The following CNTNAP2 variants were observed in gnomAD, a reference collection of about 807,000 sequenced individuals.
CNTNAP2 encodes contactin associated protein 2, also known as contactin-associated protein-like 2.
CNTNAP2 carries 98 observed loss-of-function variants against 155.2 expected under a neutral mutation model. The observed-to-expected ratio is 0.63, with a 90% CI of 0.54 to 0.75. The LOEUF is 0.75. CNTNAP2 is among the 30% of genes least tolerant of loss of function. The probability of loss-of-function intolerance (pLI) is 0.00; values close to 1 mark genes in which losing one functional copy is unlikely to be tolerated. For missense variants in CNTNAP2, 1,727 were observed against 1,688.1 expected (o/e 1.02, Z -0.40); for synonymous variants, 651 against 631.2 (o/e 1.03, Z -0.47).
intron 10 of CNTNAP2, among the ~76,000 whole-genome samples, chr7:147,398,936 G>T (rs1796867590): frequency 6.6e-6 from 1 of 151,878 alleles, no homozygotes; most frequent in Non-Finnish European, 1.5e-5. Context: ...AAACAAGGAA[G>T]CCTGGCATGT....
chr7:146,821,715 GA>G (rs1452605787), intron 2 of CNTNAP2, among the ~76,000 whole-genome samples: 14 of 152,016 alleles, frequency 9.2e-5, no homozygotes, highest in African/African-American at 3.4e-4. Flanking sequence ...AAAAACACAT[GA>G]AAAAATGCTC....
chr7:147,326,829 C>G (rs1393500840), intron 9 of CNTNAP2, among the ~76,000 whole-genome samples: 1 of 152,178 alleles, frequency 6.6e-6, no homozygotes, highest in Non-Finnish European at 1.5e-5. Context: ...GGCTTTTATA[C>G]TTAGCCCATT....
chr7:147,491,872 C>G (rs772148122), intron 11 of CNTNAP2, among the ~76,000 whole-genome samples: 5 of 152,004 alleles, frequency 3.3e-5, no homozygotes, highest in Admixed American at 6.6e-5. Flanking sequence ...AGACATTAAA[C>G]ATTATTCTAA....
intron 1 of CNTNAP2, among the ~76,000 whole-genome samples, chr7:146,445,835 C>G (rs1796394533): frequency 6.6e-6 from 1 of 152,066 alleles, no homozygotes. Context: ...CTTATAAATG[C>G]TAGGTTAACT....
At chr7:146,386,020 A>G (rs1795454924) in intron 1 of CNTNAP2, among the ~76,000 whole-genome samples, 1 of 152,182 alleles carries the variant, frequency 6.6e-6, no homozygotes, top group South Asian at 2.1e-4. Flanking sequence ...AAAATAGCAG[A>G]TTACTGGCCT....
At chr7:147,666,768 C>T (rs1795702882) in intron 13 of CNTNAP2, among the ~76,000 whole-genome samples, 1 of 152,020 alleles carries the variant, frequency 6.6e-6, no homozygotes, top group East Asian at 1.9e-4. Context: ...TGTGATTGAC[C>T]TGAAAGCTAA....
At chr7:147,619,948 C>T (rs1335611621) in intron 12 of CNTNAP2, among the ~76,000 whole-genome samples, 2 of 152,198 alleles carry the variant, frequency 1.3e-5, no homozygotes, top group Non-Finnish European at 2.9e-5. Flanking sequence ...GTAGTTGTGT[C>T]ACTCCACCCC....
intron 22 of CNTNAP2, among the ~76,000 whole-genome samples, chr7:148,405,481 G>C (rs929685588): frequency 5.4e-4 from 74 of 137,904 alleles, no homozygotes; most frequent in Admixed American, 2.3e-3. Context: ...AGGGTGGAGT[G>C]CAGTGGTGCA....
chr7:147,599,000 T>C (rs1464557972), intron 12 of CNTNAP2, among the ~76,000 whole-genome samples: 1 of 152,148 alleles, frequency 6.6e-6, no homozygotes, highest in Non-Finnish European at 1.5e-5. Flanking sequence ...CCTTATAAAT[T>C]ACCCAGACTC....
At chr7:147,276,470 G>A (rs931496159) in intron 8 of CNTNAP2, among the ~76,000 whole-genome samples, 27 of 151,980 alleles carry the variant, frequency 1.8e-4, no homozygotes, top group Non-Finnish European at 1.5e-5. Flanking sequence ...TCCTGGTACA[G>A]TTTAAATTGC....
intron 11 of CNTNAP2, among the ~76,000 whole-genome samples, chr7:147,498,856 A>G (rs1798759875): frequency 6.6e-6 from 1 of 152,154 alleles, no homozygotes; most frequent in Non-Finnish European, 1.5e-5. Context: ...AAATAAATGA[A>G]TATCAGGTAG....
chr7:146,812,445 A>AT (rs1386547927), intron 2 of CNTNAP2, among the ~76,000 whole-genome samples: 7,441 of 144,478 alleles, frequency 0.052, 628 homozygotes, highest in African/African-American at 0.17. Flanking sequence ...ATATATAAAA[A>AT]ATATATATAT....
At chr7:148,096,962 A>T (rs1803985045) in intron 15 of CNTNAP2, among the ~76,000 whole-genome samples, 1 of 152,188 alleles carries the variant, frequency 6.6e-6, no homozygotes. Context: ...TGACCTTCCT[A>T]TAATATAAAG....
At chr7:147,155,792 G>A (rs1196819524) in intron 8 of CNTNAP2, among the ~76,000 whole-genome samples, 1 of 152,014 alleles carries the variant, frequency 6.6e-6, no homozygotes, top group Non-Finnish European at 1.5e-5. Context: ...ATATATTAGT[G>A]GGGAAAGGTG....
intron 10 of CNTNAP2, among the ~76,000 whole-genome samples, chr7:147,477,286 A>T (rs918995111): frequency 2.6e-5 from 4 of 152,304 alleles, no homozygotes; most frequent in Non-Finnish European, 4.4e-5. Flanking sequence ...CTTCCTTGTT[A>T]TATAAGAAAA....
At chr7:148,157,300 G>T (rs12234730) in intron 17 of CNTNAP2, among the ~76,000 whole-genome samples, 26,300 of 151,940 alleles carry the variant, frequency 0.17, 2,429 homozygotes, top group African/African-American at 0.24. Context: ...CAGCATAGAC[G>T]GAGGATAGGG....
At chr7:148,059,016 C>T (rs1006187450) in intron 15 of CNTNAP2, among the ~76,000 whole-genome samples, 1 of 152,044 alleles carries the variant, frequency 6.6e-6, no homozygotes, top group East Asian at 1.9e-4. Context: ...CTCGGTGGCT[C>T]ATGCCTGTAA....
intron 9 of CNTNAP2, among the ~76,000 whole-genome samples, chr7:147,330,324 C>G (rs970482678): frequency 6.6e-5 from 10 of 152,228 alleles, no homozygotes; most frequent in African/African-American, 2.4e-4. Context: ...CCCATCATGC[C>G]TTTTCCTATG....
At chr7:146,322,392 T>G (rs1372134893) in intron 1 of CNTNAP2, among the ~76,000 whole-genome samples, 2 of 152,170 alleles carry the variant, frequency 1.3e-5, no homozygotes, top group Non-Finnish European at 2.9e-5. Context: ...GTGCATGATG[T>G]TTAGAGGCAT....
Sources: gnomAD v4.1 joint callset for allele counts (sites outside exome capture counted in the v4.1 genomes callset) on GRCh38, gnomAD v4.1.1 for gene constraint, MANE v1.5 for transcripts, NCBI Gene and HGNC (gene_info 2026-07-23, HGNC 2026-07-21) for gene names.